ZFAND3: variants seen among roughly 807,000 people sequenced by gnomAD.
ZFAND3 encodes the protein AN1-type zinc finger protein 3.
A neutral mutation model predicts 29.6 loss-of-function variants in ZFAND3; 10 were observed. The ratio of observed to expected loss-of-function variants is 0.34; its 90% CI spans 0.21 to 0.57. ZFAND3 has a LOEUF of 0.57. Ranked by LOEUF, ZFAND3 falls within the 20% of genes least tolerant of loss-of-function variation. ZFAND3 has a pLI of 0.86. For missense variants in ZFAND3, 230 were observed against 304.5 expected, an observed-to-expected ratio of 0.76 and a Z score of 1.82; for synonymous variants, 128 against 112.6, an observed-to-expected ratio of 1.14 and a Z score of -0.87.
intron 3 of ZFAND3, among the ~76,000 whole-genome samples, chr6:38,070,189 C>G (rs981265883): frequency 2.0e-5 from 3 of 152,106 alleles, no homozygotes; most frequent in Non-Finnish European, 2.9e-5. Context: ...CTTTGGGAGG[C>G]TGAGGTGGGC....
chr6:37,874,765 A>T (rs1187411455), intron 1 of ZFAND3, among the ~76,000 whole-genome samples: 1 of 152,128 alleles, frequency 6.6e-6, no homozygotes, highest in African/African-American at 2.4e-5. Context: ...TGTAGAGATG[A>T]AGGTCTCGTT....
At chr6:37,882,338 C>G (rs1764912077) in intron 1 of ZFAND3, among the ~76,000 whole-genome samples, 1 of 152,118 alleles carries the variant, frequency 6.6e-6, no homozygotes, top group African/African-American at 2.4e-5. Flanking sequence ...GGGCAGTAGT[C>G]AAATCAGAAG....
At chr6:37,824,202 CG>C (rs1454964559) in intron 1 of ZFAND3, among the ~76,000 whole-genome samples, 4 of 152,136 alleles carry the variant, frequency 2.6e-5, no homozygotes, top group Admixed American at 2.6e-4. Context: ...AGGCAAAAAA[CG>C]TATTTGTTGA....
intron 2 of ZFAND3, among the ~76,000 whole-genome samples, chr6:38,037,114 C>T (rs1763672948): frequency 6.6e-6 from 1 of 152,190 alleles, no homozygotes; most frequent in African/African-American, 2.4e-5. Flanking sequence ...TCAACACATT[C>T]TTTGAGCTAC....
At chr6:38,031,865 G>A (rs1763568480) in intron 2 of ZFAND3, among the ~76,000 whole-genome samples, 1 of 125,238 alleles carries the variant, frequency 8.0e-6, no homozygotes, top group African/African-American at 3.1e-5. Context: ...CCAGGGTCTT[G>A]CTGTATCACC....
intron 2 of ZFAND3, among the ~76,000 whole-genome samples, chr6:37,965,249 T>C (rs1446525668): frequency 6.6e-6 from 1 of 152,224 alleles, no homozygotes; most frequent in East Asian, 1.9e-4. Context: ...TTACTTTGTT[T>C]AGACCAGTAA....
rs1461934325 is a variant in ZFAND3 at position 37,819,971 on chromosome 6, G to A, written c.26G>A (p.Ser9Asn). 8.2e-7 allele frequency: 1 copy of A among 1,223,280 alleles called. No homozygotes were observed. The highest frequency in any genetic ancestry group is 1.0e-6 in the Non-Finnish European group (1 of 982,768). 75.8% of individuals were successfully genotyped at this position (1,223,280 alleles called of 1,614,324 possible). The change falls in exon 1 of 6, where the codon AGC (serine) becomes AAC (asparagine). Residue 9 changes from serine (S) to asparagine (N), a missense_variant. Physicochemically the swap from Ser to Asn is conservative, Grantham distance 46 (BLOSUM62 1). Transcript: ENST00000287218. ...ATGGGAGACGCTGGGAGCGAGCGCA[G>A]CAAAGCGCCCAGCCTGCCGCCTCGC... MGDAGSER[S>N]KAPSLPPRCP... is the part of the protein sequence containing the mutation.
intron 2 of ZFAND3, among the ~76,000 whole-genome samples, chr6:38,013,534 T>C (rs1226712129): frequency 6.6e-6 from 1 of 152,202 alleles, no homozygotes; most frequent in African/African-American, 2.4e-5. Context: ...AAGCACACAG[T>C]ATTTGCCTAA....
rs565553884 is a variant in ZFAND3 at position 38,077,881 on chromosome 6, C to T, written c.296-4511C>T. 3.1e-3 allele frequency among the ~76,000 whole-genome samples: 473 copies of T among 152,296 alleles called. 3 individuals are homozygous for T. Among genetic ancestry groups the T allele is most frequent in the African/African-American group, 0.011 (447 of 41,548 alleles). On this transcript the variant is annotated intron_variant, in intron 3 of 5. Coordinates refer to ENST00000287218, the MANE Select transcript of ZFAND3 (RefSeq NM_021943.3). ...CCTTGAGTTGTAGTCTTCAACTAGC[C>T]GATGGGATTGACCACTACATGAGTA...
At chr6:38,000,013 T>C (rs1419141693) in intron 2 of ZFAND3, among the ~76,000 whole-genome samples, 1 of 152,114 alleles carries the variant, frequency 6.6e-6, no homozygotes, top group African/African-American at 2.4e-5. Flanking sequence ...ATAGATTCCA[T>C]TGATTAGAAG....
intron 2 of ZFAND3, among the ~76,000 whole-genome samples, chr6:38,054,966 G>A (rs1457994515): frequency 6.6e-6 from 1 of 152,096 alleles, no homozygotes; most frequent in Admixed American, 6.6e-5. Flanking sequence ...TTGAGATGGG[G>A]GTGGGGGACA....
intron 1 of ZFAND3, among the ~76,000 whole-genome samples, chr6:37,879,207 G>A (rs1465175284): frequency 6.6e-6 from 1 of 152,228 alleles, no homozygotes; most frequent in East Asian, 1.9e-4. Context: ...GAGAGAATAG[G>A]TTGGGACCAC....
Position 38,065,651 on chromosome 6 carries a change from G to A in ZFAND3, c.295+3876G>A, listed in dbSNP as rs1426918360. Among the ~76,000 whole-genome samples, 3 of 152,128 alleles carry A rather than the reference G, an allele frequency of 2.0e-5. No individual in the cohort carries two copies. The South Asian group carries it at 6.2e-4, about 31-fold the overall frequency. On this transcript the variant is annotated intron_variant, in intron 3 of 5. Coordinates refer to ENST00000287218, the MANE Select transcript of ZFAND3 (RefSeq NM_021943.3). ...ACTTAGAGAGGTTCATTAACTTTCT[G>A]CCCTAAGTTATAGAGCTATTGCAAG...
chr6:37,880,846 C>T (rs111514722), intron 1 of ZFAND3, among the ~76,000 whole-genome samples: 9,315 of 122,726 alleles, frequency 0.076, 380 homozygotes, highest in Middle Eastern at 0.15. Flanking sequence ...GAATATCACA[C>T]TCTGGGGACT....
rs767345933 is a variant in ZFAND3 at position 38,061,685 on chromosome 6, A to T, written c.205A>T (p.Asn69Tyr). Residue 69 changes from asparagine (N) to tyrosine (Y), a missense_variant, in exon 3 of 6, where the codon AAC becomes TAC. Around this residue, in one of 2 missense-constraint regions of ZFAND3, gnomAD observed 180 missense variants for 202.5 expected, o/e 0.89. Transcript: ENST00000287218. ...TTCCGAAGAGACCACCAGTGACAAC[A>T]ACAATACCTCGATAACCACGCCAAC... ...LFSEETTSDN[N>Y]NTSITTPTLS... is the part of the protein sequence containing the mutation. The T allele has an allele frequency of 1.2e-6, 2 of 1,614,204 alleles. No homozygotes were observed. Among genetic ancestry groups the T allele is most frequent in the Non-Finnish European group, 1.7e-6 (2 of 1,180,032 alleles).
intron 5 of ZFAND3, among the ~76,000 whole-genome samples, chr6:38,122,301 A>G (rs927346217): frequency 6.6e-6 from 1 of 152,184 alleles, no homozygotes; most frequent in African/African-American, 2.4e-5. Flanking sequence ...TACCTAATAC[A>G]ATGTAAATGC....
chr6:38,110,921 C>G (rs1765303054), intron 4 of ZFAND3, among the ~76,000 whole-genome samples: 2 of 152,036 alleles, frequency 1.3e-5, no homozygotes, highest in Middle Eastern at 3.2e-3. Flanking sequence ...TGCAGGGTGA[C>G]AGGAGATTAA....
At chr6:37,832,233 G>A (rs1241237070) in intron 1 of ZFAND3, among the ~76,000 whole-genome samples, 1 of 152,170 alleles carries the variant, frequency 6.6e-6, no homozygotes, top group Non-Finnish European at 1.5e-5. Flanking sequence ...GAGTGAAGAG[G>A]GGGCTTAAGT....
In ZFAND3 at chr6:37,933,383, G is replaced by T. The variant is rs774681013; in HGVS notation, c.112+3384G>T. On this transcript the variant is annotated intron_variant, in intron 2 of 5. Coordinates refer to ENST00000287218, the MANE Select transcript of ZFAND3 (RefSeq NM_021943.3). ...GTTGTAGGTTAGGAACTAGGGGTGT[G>T]TGTGTTTACTTGGAGAACTGTTTTG... Among the ~76,000 whole-genome samples, 3 of 152,276 alleles carry T rather than the reference G, an allele frequency of 2.0e-5. No homozygotes were observed. In the East Asian group the frequency reaches 5.8e-4, roughly 29 times the overall value.
Sources: allele counts gnomAD v4.1 joint callset (sites outside exome capture counted in the v4.1 genomes callset), GRCh38; gene constraint gnomAD v4.1.1; regional missense constraint gnomAD v4.1.1; transcripts MANE v1.5; gene names NCBI Gene and HGNC (gene_info 2026-07-23, HGNC 2026-07-21).